The following FLNB variants were observed in gnomAD, a reference collection of about 807,000 sequenced individuals.
FLNB encodes filamin-B.
A neutral mutation model predicts 250.6 loss-of-function variants in FLNB; 111 were observed. The observed-to-expected ratio is 0.44, with a 90% confidence interval of 0.38 to 0.52. The LOEUF (loss-of-function observed/expected upper bound fraction) is 0.52. Among genes scored for constraint, FLNB ranks in the 20% least tolerant of loss-of-function variants. The pLI is 0.00. For missense variants in FLNB, 2,869 were observed against 3,447.8 expected (o/e 0.83, Z 4.20); for synonymous variants, 1,302 against 1,372.1 (o/e 0.95, Z 1.13).
intron 36 of FLNB, 24 bp downstream of exon 36, chr3:58,148,876 G>A (rs2097340279): frequency 6.2e-7 from 1 of 1,601,878 alleles, no homozygotes; most frequent in East Asian, 2.2e-5. Flanking sequence ...CAGGGGAGAG[G>A]CCCAGAGCTT....
intron 42 of FLNB, 95 bp downstream of exon 42, chr3:58,159,781 A>G: frequency 7.5e-7 from 1 of 1,333,392 alleles, no homozygotes; most frequent in Non-Finnish European, 1.1e-6. Context: ...GATCAGTTTC[A>G]TTACTGCCAG....
At chr3:58,157,877 G>A (rs1443735468) in intron 41 of FLNB, among the ~76,000 whole-genome samples, 1 of 152,204 alleles carries the variant, frequency 6.6e-6, no homozygotes, top group East Asian at 1.9e-4. Flanking sequence ...GTGCACAGCA[G>A]GCTGTTTCTT....
chr3:58,156,136 C>T, intron 41 of FLNB, 61 bp downstream of exon 41: 1 of 1,280,910 alleles, frequency 7.8e-7, no homozygotes, highest in South Asian at 1.2e-5. Context: ...CCCCTGGACT[C>T]CTGAGGCTGC....
intron 4 of FLNB, among the ~76,000 whole-genome samples, chr3:58,094,237 G>T (rs189230504): frequency 1.3e-5 from 2 of 152,082 alleles, no homozygotes; most frequent in Non-Finnish European, 2.9e-5. Context: ...GTGCCACCAC[G>T]TTGTATTTTT....
chr3:58,118,261 C>A (rs568223109), intron 18 of FLNB, among the ~76,000 whole-genome samples: 1 of 152,206 alleles, frequency 6.6e-6, no homozygotes, highest in Non-Finnish European at 1.5e-5. Context: ...AGATATTGTG[C>A]GATGGTCTTA....
Position 58,098,608 on chromosome 3 carries a change from C to T in FLNB, c.1148-103C>T, listed in dbSNP as rs982512983. The T allele has an allele frequency of 1.2e-5, 13 of 1,119,252 alleles. No homozygotes were observed. In the Admixed American group the frequency reaches 1.3e-4, roughly 11 times the overall value. The allele number at this position is 1,119,252 out of a possible 1,614,324, so 69.3% of individuals were successfully genotyped here. A position where few individuals can be genotyped will look rare whatever the true frequency, so the allele number is the denominator to read the frequency against. Reference sequence around the variant, plus strand: ...TCGGCCTCTCGAAGTGCTGGGATTACAAGCATGAGCCACCACACTGGTCCT... The same window carrying T: ...TCGGCCTCTCGAAGTGCTGGGATTATAAGCATGAGCCACCACACTGGTCCT... On this transcript the variant is annotated intron_variant, in intron 7 of 45. Transcript: ENST00000295956.
At chr3:58,149,737 C>G in intron 36 of FLNB, 113 bp from the exon 37 acceptor site, 1 of 1,386,368 alleles carries the variant, frequency 7.2e-7, no homozygotes, top group Non-Finnish European at 1.0e-6. Context: ...TGCTTTCTTT[C>G]TGCTATGTAG....
intron 28 of FLNB, among the ~76,000 whole-genome samples, chr3:58,137,619 C>T (rs753108041): frequency 1.2e-4 from 19 of 152,206 alleles, no homozygotes; most frequent in Non-Finnish European, 2.5e-4. Context: ...TTCTGCATTT[C>T]CTGATATGTG....
intron 41 of FLNB, among the ~76,000 whole-genome samples, chr3:58,157,163 A>T (rs904216554): frequency 6.6e-6 from 1 of 152,224 alleles, no homozygotes; most frequent in African/African-American, 2.4e-5. Flanking sequence ...ACTAAGAACC[A>T]TCGGGGATGC....
intron 18 of FLNB, among the ~76,000 whole-genome samples, chr3:58,118,597 G>A (rs2097283024): frequency 6.6e-6 from 1 of 152,200 alleles, no homozygotes; most frequent in East Asian, 1.9e-4. Flanking sequence ...TTGAATTGAG[G>A]AAATGCATAA....
chr3:58,046,473 A>T (rs1314972123), intron 1 of FLNB, among the ~76,000 whole-genome samples: 2 of 145,866 alleles, frequency 1.4e-5, no homozygotes, highest in Non-Finnish European at 3.0e-5. Context: ...TTTTTTGGAG[A>T]CGGAGTCTTA....
chr3:58,149,451 C>T (rs1387629869), intron 36 of FLNB: 2 of 302,964 alleles, frequency 6.6e-6, no homozygotes. Flanking sequence ...ATATGCTGAC[C>T]TAGCTGAGGT....
Position 58,167,605 on chromosome 3 carries a change from G to C in FLNB, c.7199-835G>C, listed in dbSNP as rs376720798. ...AGGAGGCTCTCCCTGGGCCAGCTAA[G>C]TTGTCTCAGGGCTGCAGTTAGGGGA... On this transcript the variant is annotated intron_variant, in intron 43 of 45. Coordinates refer to ENST00000295956, the MANE Select transcript of FLNB (RefSeq NM_001457.4). 2.9e-4 allele frequency among the ~76,000 whole-genome samples: 44 copies of C among 152,356 alleles called. No homozygotes were observed. In the South Asian group the frequency reaches 4.1e-3, roughly 14 times the overall value.
chr3:58,168,766 T>C, intron 44 of FLNB, 108 bp downstream of exon 44: 1 of 826,246 alleles, frequency 1.2e-6, no homozygotes. Flanking sequence ...AAAGCTACTT[T>C]GAACTTTGAA....
In FLNB at chr3:58,145,929, C is replaced by T. The variant is rs1575456504; in HGVS notation, c.5434C>T (p.Leu1812Phe). The change falls in exon 33 of 46, where the codon CTC becomes TTC. Residue 1812 changes from leucine to phenylalanine, a missense_variant. Physicochemically the swap from Leu to Phe is conservative, Grantham distance 22. Around this residue, in one of 5 missense-constraint regions of FLNB, gnomAD observed 1,084 missense variants for 1,315.5 expected, o/e 0.82. Transcript: ENST00000295956. ...GTCCTTCGTAAACCCAGAGAGCCCA[C>T]TCCAGTTCTACGTGAACTACCCCAA... ...YMGSHIPESPLQFYVNYPNSG... is the reference protein window; with the variant it reads ...YMGSHIPESPFQFYVNYPNSG... 6.2e-7 allele frequency: 1 copy of T among 1,614,220 alleles called. No individual in the cohort carries two copies. The highest frequency in any genetic ancestry group is 8.5e-7 in the Non-Finnish European group (1 of 1,180,042).
intron 1 of FLNB, among the ~76,000 whole-genome samples, chr3:58,020,884 G>A (rs2097113010): frequency 6.6e-6 from 1 of 152,044 alleles, no homozygotes; most frequent in Non-Finnish European, 1.5e-5. Context: ...ATGGCAAGCA[G>A]CAGTCAGCTT....
At chr3:58,133,630 A>G (rs2097311552) in intron 26 of FLNB, among the ~76,000 whole-genome samples, 1 of 152,020 alleles carries the variant, frequency 6.6e-6, no homozygotes, top group African/African-American at 2.4e-5. Flanking sequence ...GGTTTTACAT[A>G]GAAACCTTGT....
intron 18 of FLNB, among the ~76,000 whole-genome samples, chr3:58,113,520 TG>T (rs1200344275): frequency 6.6e-6 from 1 of 152,174 alleles, no homozygotes; most frequent in Non-Finnish European, 1.5e-5. Flanking sequence ...CCCCTGAGTT[TG>T]GGGGCTGCAC....
intron 1 of FLNB, among the ~76,000 whole-genome samples, chr3:58,036,032 A>C (rs964383533): frequency 5.9e-5 from 9 of 152,188 alleles, no homozygotes; most frequent in African/African-American, 2.2e-4. Flanking sequence ...TAATTGACTC[A>C]AGACTTAGGA....
Sources: gnomAD v4.1 joint callset for allele counts (sites outside exome capture counted in the v4.1 genomes callset) on GRCh38, gnomAD v4.1.1 for gene constraint, gnomAD v4.1.1 regional missense constraint, MANE v1.5 for transcripts, NCBI Gene and HGNC (gene_info 2026-07-23, HGNC 2026-07-21) for gene names.